Variants in IL15RA observed in about 807,000 individuals in gnomAD.
The protein encoded by IL15RA is interleukin 15 receptor subunit alpha.
In IL15RA, 26 loss-of-function variants were observed where a neutral mutation model predicts 24.2. That is an observed-to-expected ratio of 1.07 (90% CI 0.79 to 1.49). The LOEUF is 1.49. Ranked by LOEUF, IL15RA falls within the 40% of genes most tolerant of loss-of-function variation. The pLI, the probability that IL15RA is intolerant of heterozygous loss-of-function variation, is 0.00. For missense variants in IL15RA, 354 were observed against 356.4 expected, an observed-to-expected ratio of 0.99 and a Z score of 0.05; for synonymous variants, 166 against 157.6, an observed-to-expected ratio of 1.05 and a Z score of -0.40.
downstream of IL15RA, among the ~76,000 whole-genome samples, chr10:5,951,912 G>A (rs1342514565): frequency 6.6e-6 from 1 of 152,078 alleles, no homozygotes. Flanking sequence ...CTCCTGCCTC[G>A]GCCTCCTGAA....
rs535635551 is a variant in IL15RA at position 5,971,224 on chromosome 10, C to T, written c.89-4885G>A. Among the ~76,000 whole-genome samples the T allele has an allele frequency of 1.4e-4, 21 of 152,010 alleles. No individual in the cohort carries two copies. The South Asian group carries it at 3.1e-3, about 23-fold the overall frequency. ...CTCTCACTTTCCTACGGCTGGTATA[C>T]GATAGATATTTTCTGAATACATATA... On this transcript the variant is annotated intron_variant, in intron 1 of 6. Transcript: ENST00000379977. The surrounding 1 kb of genome is among the most constrained non-coding windows in gnomAD (Gnocchi z 5.5).
chr10:5,949,276 G>A (rs1833703311), downstream of IL15RA: 1 of 471,156 alleles, frequency 2.1e-6, no homozygotes, highest in South Asian at 1.5e-5. The surrounding 1 kb of genome is among the most constrained non-coding windows in gnomAD (Gnocchi z 4.4). Context: ...GGTTTCAGGA[G>A]AGGAGGAGGT....
Position 5,963,834 on chromosome 10 carries a change from A to C in IL15RA, c.291T>G (p.Pro97=). 6.4e-7 allele frequency: 1 copy of C among 1,559,168 alleles called. No homozygotes were observed. The highest frequency in any genetic ancestry group is 1.7e-4 in the Middle Eastern group (1 of 5,946). ...GCGCTGGCCTTTGGTGAACCAGGGC[A>C]GGGTCTCCTAGAGAGAGGATAACCA... ...TTPSLKCIRD[P]ALVHQRPAPP... Residue 97 remains proline, a synonymous_variant, in exon 3 of 7, where the codon CCT becomes CCG. Coordinates refer to ENST00000379977, the MANE Select transcript of IL15RA (RefSeq NM_002189.4). The surrounding 1 kb of genome is among the most constrained non-coding windows in gnomAD (Gnocchi z 5.3).
In IL15RA at chr10:5,959,631, T is replaced by C; in HGVS notation, c.616+123A>G. On this transcript the variant is annotated intron_variant, in intron 5 of 6. Transcript: ENST00000379977. This position sits in a 1 kb window ranked among gnomAD's most constrained non-coding sequence, Gnocchi z 4.1. ...AACTTATTATCTGATGGAGGCCTTC[T>C]GAGTGTGGAAGGGGCTGCTGTCAGG... The C allele has an allele frequency of 3.8e-6, 3 of 799,060 alleles. No homozygotes were observed. The highest frequency in any genetic ancestry group is 2.8e-5 in the South Asian group (2 of 71,202). The allele number at this position is 799,060 out of a possible 1,614,324, so 49.5% of individuals were successfully genotyped here. A position where few individuals can be genotyped will look rare whatever the true frequency, so the allele number is the denominator to read the frequency against.
downstream of IL15RA, among the ~76,000 whole-genome samples, chr10:5,951,518 T>A (rs1057421028): frequency 6.6e-6 from 1 of 152,174 alleles, no homozygotes; most frequent in African/African-American, 2.4e-5. Flanking sequence ...ACACTTCTTA[T>A]TACTTTTGTT....
Position 5,966,122 on chromosome 10 carries a change from G to A in IL15RA, c.283+23C>T. The A allele has an allele frequency of 6.4e-7, 1 of 1,558,342 alleles. No homozygotes were observed. Among genetic ancestry groups the A allele is most frequent in the Non-Finnish European group, 8.8e-7 (1 of 1,131,796 alleles). On this transcript the variant is annotated intron_variant, in intron 2 of 6. Transcript: ENST00000379977. This position sits in a 1 kb window ranked among gnomAD's most constrained non-coding sequence, Gnocchi z 6.4. ...TTGGCAGGGTGGGGGAGGGAGGAAG[G>A]TGGGGTGGCAAGGGCTACTCACTAA... is the stretch of plus-strand genomic sequence containing the variant.
intron 1 of IL15RA, among the ~76,000 whole-genome samples, chr10:5,974,063 G>A (rs1036596930): frequency 6.6e-6 from 1 of 151,630 alleles, no homozygotes; most frequent in African/African-American, 2.4e-5. Context: ...GCAGTGGCGC[G>A]ATCTCTGCTC....
intron 5 of IL15RA, among the ~76,000 whole-genome samples, chr10:5,957,572 C>T (rs374239864): frequency 6.6e-6 from 1 of 150,586 alleles, no homozygotes; most frequent in Non-Finnish European, 1.5e-5. Flanking sequence ...CCACGCCTGG[C>T]CAACTTTTTC....
rs757575537 is a variant in IL15RA at position 5,959,729 on chromosome 10, A to G, written c.616+25T>C. On this transcript the variant is annotated intron_variant, in intron 5 of 6. Transcript: ENST00000379977. The surrounding 1 kb of genome is among the most constrained non-coding windows in gnomAD (Gnocchi z 4.1). The stretch of plus-strand genomic sequence containing the variant: ...GACTGCGGTCACCCTGATCATAAAC[A>G]TACCGGACAAAGGGACACACTTACC... 5 of 1,611,676 alleles carry G rather than the reference A, an allele frequency of 3.1e-6. No individual in the cohort carries two copies. The South Asian group carries it at 3.3e-5, about 11-fold the overall frequency.
At position 5,961,931 on chromosome 10, in the gene IL15RA, C is replaced by A. The variant is rs1835636182; in HGVS notation, c.383-1364G>T. On this transcript the variant is annotated intron_variant, in intron 3 of 6. Transcript: ENST00000379977. This position sits in a 1 kb window ranked among gnomAD's most constrained non-coding sequence, Gnocchi z 5.2. ...CATATAACTTGCCCTACGCTCACTG[C>A]CAATGCTCCAGGGCTCCCTGCACAG... Among the ~76,000 whole-genome samples the A allele has an allele frequency of 6.6e-6, 1 of 152,224 alleles. No homozygotes were observed. Among genetic ancestry groups the A allele is most frequent in the African/African-American group, 2.4e-5 (1 of 41,446 alleles).
intron 1 of IL15RA, among the ~76,000 whole-genome samples, chr10:5,972,309 C>G (rs3736862): frequency 0.72 from 108,769 of 152,118 alleles, 39,674 homozygotes; most frequent in Middle Eastern, 0.78. Context: ...ATGACTCCCA[C>G]GATATATACT....
At position 5,960,464 on chromosome 10, in the gene IL15RA, G is replaced by A; in HGVS notation, c.486C>T (p.Thr162=). The A allele has an allele frequency of 1.9e-6, 3 of 1,614,134 alleles. No homozygotes were observed. Among genetic ancestry groups the A allele is most frequent in the South Asian group, 1.1e-5 (1 of 91,082 alleles). The change falls in exon 4 of 7, where the codon ACC becomes ACT. Residue 162 remains threonine (T), a synonymous_variant. Transcript: ENST00000379977. This position sits in a 1 kb window ranked among gnomAD's most constrained non-coding sequence, Gnocchi z 5.1. The stretch of plus-strand genomic sequence containing the variant: ...AGGACTCATGACTGCTTATCTCTGT[G>A]GTTCCTGTGGAAGGTGATTTTGAAG... ...LMPSKSPSTG[T]TEISSHESSH...
rs1837427253 is a variant in IL15RA, at chr10:5,970,696, T to G, written c.89-4357A>C. On this transcript the variant is annotated intron_variant, in intron 1 of 6. Coordinates refer to ENST00000379977, the MANE Select transcript of IL15RA (RefSeq NM_002189.4). The surrounding 1 kb of genome is among the most constrained non-coding windows in gnomAD (Gnocchi z 4.1). Reference sequence around the variant, plus strand: ...GTGATATTACTAACACTGTTTCATTTTATTATTTTATTTTTAAAATGATTT... The same window carrying G: ...GTGATATTACTAACACTGTTTCATTGTATTATTTTATTTTTAAAATGATTT... Among the ~76,000 whole-genome samples, 1 of 151,958 alleles carries G rather than the reference T, an allele frequency of 6.6e-6. No individual in the cohort carries two copies. Among genetic ancestry groups the G allele is most frequent in the South Asian group, 2.1e-4 (1 of 4,834 alleles).
rs1323711588 is a variant in IL15RA, at chr10:5,975,853, A to T, written c.88+1552T>A. On this transcript the variant is annotated intron_variant, in intron 1 of 6. Transcript: ENST00000379977. This position sits in a 1 kb window ranked among gnomAD's most constrained non-coding sequence, Gnocchi z 4.8. Reference sequence around the variant, plus strand: ...GGTTGCAGTGAGCTGAGATCGCGCTACTGCACCCCAGCCGGGGTGACAGAG... The same window carrying T: ...GGTTGCAGTGAGCTGAGATCGCGCTTCTGCACCCCAGCCGGGGTGACAGAG... Among the ~76,000 whole-genome samples, 3 of 152,308 alleles carry T rather than the reference A, an allele frequency of 2.0e-5. No homozygotes were observed. In the South Asian group the frequency reaches 6.2e-4, roughly 32 times the overall value.
chr10:5,967,164 G>A lies in IL15RA; in HGVS notation c.89-825C>T, dbSNP rs1473064601. Among the ~76,000 whole-genome samples, 2 of 151,778 alleles carry A rather than the reference G, an allele frequency of 1.3e-5. No individual in the cohort carries two copies. The highest frequency in any genetic ancestry group is 1.3e-4 in the Admixed American group (2 of 15,282). ...TTAGCTTGGCAGTACTTGCAAGATC[G>A]GGCCTTGCCTTGTCTTGCCTTGCCT... On this transcript the variant is annotated intron_variant, in intron 1 of 6. Transcript: ENST00000379977. This position sits in a 1 kb window ranked among gnomAD's most constrained non-coding sequence, Gnocchi z 4.4.
At chr10:5,949,369 C>T (rs917332262), downstream of IL15RA, 3 of 470,654 alleles carry the variant, frequency 6.4e-6, no homozygotes, top group Non-Finnish European at 1.3e-5. This position sits in a 1 kb window ranked among gnomAD's most constrained non-coding sequence, Gnocchi z 4.4. Flanking sequence ...TCAATTAAAT[C>T]CCCCGGTAAT....
At position 5,966,016 on chromosome 10, in the gene IL15RA, CG is replaced by C. The variant is rs1836459780; in HGVS notation, c.283+128del. ...GATTACAGGTGTGAGCCACCGTGCC[CG>C]GCCCCCACTGGTGTGTTTAGCCTCA... On this transcript the variant is annotated intron_variant, in intron 2 of 6. Transcript: ENST00000379977. This position sits in a 1 kb window ranked among gnomAD's most constrained non-coding sequence, Gnocchi z 6.4. The C allele has an allele frequency of 4.9e-6, 3 of 607,484 alleles. No individual in the cohort carries two copies. In the Admixed American group the frequency reaches 8.6e-5, roughly 17 times the overall value. 37.6% of individuals were successfully genotyped at this position (607,484 alleles called of 1,614,324 possible). A position where few individuals can be genotyped will look rare whatever the true frequency, so the allele number is the denominator to read the frequency against.
At chr10:5,957,555 T>C (rs1834730002) in intron 5 of IL15RA, among the ~76,000 whole-genome samples, 1 of 150,628 alleles carries the variant, frequency 6.6e-6, no homozygotes, top group Non-Finnish European at 1.5e-5. Flanking sequence ...ATTACAGGCG[T>C]GAACCACCAC....
downstream of IL15RA, chr10:5,949,116 C>T (rs898813626): frequency 2.3e-6 from 1 of 428,986 alleles, no homozygotes; most frequent in African/African-American, 2.0e-5. This position sits in a 1 kb window ranked among gnomAD's most constrained non-coding sequence, Gnocchi z 4.4. Flanking sequence ...GTGCGTGCAG[C>T]ACAGCTGGAG....
Sources: gnomAD v4.1 joint callset for allele counts (sites outside exome capture counted in the v4.1 genomes callset) on GRCh38, gnomAD v4.1.1 for gene constraint, Gnocchi (gnomAD v3.1) non-coding constraint, MANE v1.5 for transcripts, NCBI Gene and HGNC (gene_info 2026-07-23, HGNC 2026-07-21) for gene names.